SIDT1: variants seen among roughly 807,000 people sequenced by gnomAD.
SIDT1 encodes the protein SID1 transmembrane family, member 1.
SIDT1 carries 101 observed loss-of-function variants against 107.5 expected under a neutral mutation model. That is an observed-to-expected ratio of 0.94 (90% CI 0.80 to 1.11). The LOEUF is 1.11. SIDT1 is among the 50% of genes least tolerant of loss of function. The pLI is 0.00. For missense variants in SIDT1, 1,076 were observed against 1,058.2 expected, an observed-to-expected ratio of 1.02 and a Z score of -0.23; for synonymous variants, 395 against 398.2, an observed-to-expected ratio of 0.99 and a Z score of 0.10.
chr3:113,542,502 T>G (rs1056310967), intron 1 of SIDT1, among the ~76,000 whole-genome samples: 2 of 152,170 alleles, frequency 1.3e-5, no homozygotes, highest in Non-Finnish European at 2.9e-5. Context: ...ATCACGATAT[T>G]TATTATATTC....
intron 21 of SIDT1, among the ~76,000 whole-genome samples, chr3:113,621,153 A>G (rs1182679416): frequency 6.6e-6 from 1 of 152,236 alleles, no homozygotes; most frequent in African/African-American, 2.4e-5. Context: ...GTACATACAT[A>G]TGCATATAGA....
chr3:113,579,053 G>A (rs1432647542), intron 4 of SIDT1, among the ~76,000 whole-genome samples: 3 of 152,002 alleles, frequency 2.0e-5, no homozygotes, highest in Non-Finnish European at 4.4e-5. Context: ...TCACCCAAAC[G>A]GTTGCACATT....
chr3:113,604,110 C>T, intron 13 of SIDT1, 77 bp downstream of exon 13: 1 of 1,050,234 alleles, frequency 9.5e-7, no homozygotes, highest in Non-Finnish European at 1.4e-6. Flanking sequence ...ACCACTTAGG[C>T]ACAAGGTTTT....
At chr3:113,605,691 AT>A (rs562796372) in intron 14 of SIDT1, among the ~76,000 whole-genome samples, 1 of 151,954 alleles carries the variant, frequency 6.6e-6, no homozygotes, top group African/African-American at 2.4e-5. Context: ...TTGAAGGTAA[AT>A]TTTTTTTGTA....
intron 1 of SIDT1, among the ~76,000 whole-genome samples, chr3:113,546,564 C>A (rs1470207997): frequency 6.6e-6 from 1 of 151,968 alleles, no homozygotes; most frequent in African/African-American, 2.4e-5. Context: ...TTTTGGTTGT[C>A]ATTTTGTTTT....
intron 1 of SIDT1, among the ~76,000 whole-genome samples, chr3:113,548,738 G>A (rs1939876397): frequency 6.6e-6 from 1 of 152,146 alleles, no homozygotes; most frequent in East Asian, 1.9e-4. Context: ...TTATCTTCCT[G>A]GCCACTTCTC....
chr3:113,583,614 T>A, intron 7 of SIDT1, 118 bp downstream of exon 7: 8 of 608,230 alleles, frequency 1.3e-5, no homozygotes, highest in Non-Finnish European at 2.2e-5. Flanking sequence ...ATCATCATGA[T>A]GGGAAAGGCA....
chr3:113,581,539 G>A, intron 6 of SIDT1, 95 bp downstream of exon 6: 1 of 985,526 alleles, frequency 1.0e-6, no homozygotes. Flanking sequence ...GGCCATCCAT[G>A]ATGTGCCTAG....
chr3:113,539,540 T>G (rs879652513), intron 1 of SIDT1, among the ~76,000 whole-genome samples: 1 of 152,212 alleles, frequency 6.6e-6, no homozygotes, highest in Admixed American at 6.5e-5. Context: ...TCAGTGGACA[T>G]GCTAAGAAAT....
At chr3:113,615,603 A>G (rs1346382284) in intron 19 of SIDT1, among the ~76,000 whole-genome samples, 1 of 152,238 alleles carries the variant, frequency 6.6e-6, no homozygotes, top group Admixed American at 6.5e-5. Flanking sequence ...TTTTCTGAAC[A>G]TGCTCAGTAG....
At chr3:113,550,468 A>C (rs920352167) in intron 1 of SIDT1, among the ~76,000 whole-genome samples, 32 of 152,222 alleles carry the variant, frequency 2.1e-4, no homozygotes, top group Non-Finnish European at 3.7e-4. Flanking sequence ...GTGGCGGAAG[A>C]TGAAGAACAC....
At position 113,592,011 on chromosome 3, in the gene SIDT1, C is replaced by T. The variant is rs117852296; in HGVS notation, c.1002-994C>T. Among the ~76,000 whole-genome samples, 97 of 152,282 alleles carry T rather than the reference C, an allele frequency of 6.4e-4. 1 individual carries two copies. The East Asian group carries it at 0.018, about 28-fold the overall frequency. On this transcript the variant is annotated intron_variant, in intron 9 of 24. Transcript: ENST00000264852. ...CTACAGCATGGATGAACCTTGAAAA[C>T]GTTACACTAAGTGAAAGAAACTAGA... is the stretch of plus-strand genomic sequence containing the variant.
At chr3:113,627,548 C>G in intron 24 of SIDT1, 98 bp from the exon 25 acceptor site, 1 of 1,139,338 alleles carries the variant, frequency 8.8e-7, no homozygotes, top group Non-Finnish European at 1.3e-6. Context: ...TGAGAGGGAA[C>G]TAACAGTTTC....
intron 5 of SIDT1, among the ~76,000 whole-genome samples, chr3:113,581,066 C>T (rs948784774): frequency 7.2e-5 from 11 of 152,122 alleles, no homozygotes; most frequent in African/African-American, 2.2e-4. Flanking sequence ...TTGTAACATT[C>T]GGTTCTTTCT....
chr3:113,600,259 G>A (rs954386191), intron 10 of SIDT1, among the ~76,000 whole-genome samples: 11 of 151,920 alleles, frequency 7.2e-5, no homozygotes, highest in African/African-American at 9.7e-5. Flanking sequence ...GCAGTGAGCC[G>A]AGATCGTACT....
At chr3:113,575,202 C>T (rs1434178713) in intron 3 of SIDT1, among the ~76,000 whole-genome samples, 2 of 152,160 alleles carry the variant, frequency 1.3e-5, no homozygotes, top group Non-Finnish European at 2.9e-5. Flanking sequence ...ATTAAAATCT[C>T]TGGCAAAAAA....
chr3:113,597,022 G>C (rs1045347013), intron 10 of SIDT1, among the ~76,000 whole-genome samples: 1 of 152,130 alleles, frequency 6.6e-6, no homozygotes, highest in Non-Finnish European at 1.5e-5. Flanking sequence ...CAGTGACAAA[G>C]GGTCTCAAAT....
intron 3 of SIDT1, among the ~76,000 whole-genome samples, chr3:113,576,207 A>G (rs1942885912): frequency 6.6e-6 from 1 of 152,188 alleles, no homozygotes. Context: ...GCTGTCTTAC[A>G]TGGAAGAATG....
rs766980912 is a variant in SIDT1, at chr3:113,584,664, G to A, written c.836-34G>A. ...AAAAAAAATCATTATCTGATTCAATGTGCTTTGTTCTTTTTTTATTTTTTT... is the reference window on the plus strand; with the variant it reads ...AAAAAAAATCATTATCTGATTCAATATGCTTTGTTCTTTTTTTATTTTTTT... On this transcript the variant is annotated intron_variant, in intron 7 of 24. Transcript: ENST00000264852. 7 of 1,469,004 alleles carry A rather than the reference G, an allele frequency of 4.8e-6. No homozygotes were observed. The South Asian group carries it at 4.8e-5, about 10-fold the overall frequency. The allele number at this position is 1,469,004 out of a possible 1,614,324, so 91.0% of individuals were successfully genotyped here. A position where few individuals can be genotyped will look rare whatever the true frequency, so the allele number is the denominator to read the frequency against.
Sources: allele counts gnomAD v4.1 joint callset (sites outside exome capture counted in the v4.1 genomes callset), GRCh38; gene constraint gnomAD v4.1.1; transcripts MANE v1.5; gene names NCBI Gene and HGNC (gene_info 2026-07-23, HGNC 2026-07-21).